FAM53B: variants seen among roughly 807,000 people sequenced by gnomAD.
FAM53B encodes family with sequence similarity 53 member B.
FAM53B carries 12 observed loss-of-function variants against 32.7 expected under a neutral mutation model. The observed-to-expected ratio is 0.37, with a 90% CI of 0.24 to 0.59. FAM53B has a LOEUF of 0.59. Ranked by LOEUF, FAM53B falls within the 20% of genes least tolerant of loss-of-function variation. The probability of loss-of-function intolerance (pLI) is 0.72; values close to 1 mark genes in which losing one functional copy is unlikely to be tolerated. For synonymous variants in FAM53B, 234 were observed against 228.7 expected, an observed-to-expected ratio of 1.02 and a Z score of -0.21; for missense variants, 477 against 577.7, an observed-to-expected ratio of 0.83 and a Z score of 1.79.
At chr10:124,655,861 C>T (rs1379879598) in intron 4 of FAM53B, among the ~76,000 whole-genome samples, 1 of 152,198 alleles carries the variant, frequency 6.6e-6, no homozygotes, top group Non-Finnish European at 1.5e-5. Flanking sequence ...TTAATATTGT[C>T]TATCTGTCTA....
chr10:124,637,812 T>C (rs1677983451), intron 4 of FAM53B, among the ~76,000 whole-genome samples: 1 of 152,016 alleles, frequency 6.6e-6, no homozygotes, highest in African/African-American at 2.4e-5. Context: ...AACCTCTCTC[T>C]CCCGAAAGAC....
chr10:124,657,128 G>A (rs1293078333), intron 4 of FAM53B, among the ~76,000 whole-genome samples: 1 of 139,038 alleles, frequency 7.2e-6, no homozygotes, highest in South Asian at 2.3e-4. Context: ...GTATATATAT[G>A]TGTGTATATA....
chr10:124,641,245 T>C (rs1049405162), intron 4 of FAM53B, among the ~76,000 whole-genome samples: 3 of 152,222 alleles, frequency 2.0e-5, no homozygotes, highest in Admixed American at 1.3e-4. Flanking sequence ...CTTCAACATG[T>C]TGCAGTTTCT....
At chr10:124,672,501 G>C (rs933129432) in intron 4 of FAM53B, among the ~76,000 whole-genome samples, 1 of 152,248 alleles carries the variant, frequency 6.6e-6, no homozygotes, top group African/African-American at 2.4e-5. Context: ...TAGGAGAATC[G>C]AGGAGGCCAT....
chr10:124,671,786 G>C (rs1949708665), intron 4 of FAM53B, among the ~76,000 whole-genome samples: 1 of 151,210 alleles, frequency 6.6e-6, no homozygotes, highest in Non-Finnish European at 1.5e-5. Flanking sequence ...TTTTTTTTAA[G>C]CCACTCCTCC....
At chr10:124,635,927 A>G (rs765624537) in intron 4 of FAM53B, among the ~76,000 whole-genome samples, 2 of 152,268 alleles carry the variant, frequency 1.3e-5, no homozygotes, top group Non-Finnish European at 2.9e-5. Flanking sequence ...CTCTGTTATA[A>G]TAAGAATTGA....
intron 1 of FAM53B, among the ~76,000 whole-genome samples, chr10:124,740,063 G>A (rs1208864322): frequency 6.6e-6 from 1 of 152,140 alleles, no homozygotes; most frequent in Non-Finnish European, 1.5e-5. Context: ...AAAATCTTCA[G>A]CTCCAGCCTC....
At position 124,682,041 on chromosome 10, in the gene FAM53B, C is replaced by T. The variant is rs1589749203; in HGVS notation, c.472G>A (p.Gly158Ser). The change falls in exon 4 of 5, where the codon GGC (glycine) becomes AGC (serine). Residue 158 changes from glycine to serine, a missense_variant. Gly to Ser is a moderately conservative substitution (Grantham distance 56). Transcript: ENST00000337318. The surrounding 1 kb of genome is among the most constrained non-coding windows in gnomAD (Gnocchi z 5.2). ...GAACTCCTCTGCATGGTGCTGAAGCCGTTGGAATAGCGCTGGACGCTGCCC... is the reference window on the plus strand; with the variant it reads ...GAACTCCTCTGCATGGTGCTGAAGCTGTTGGAATAGCGCTGGACGCTGCCC... Reference protein sequence around the residue: ...SGGSVQRYSNGFSTMQRSSSF... With the variant: ...SGGSVQRYSNSFSTMQRSSSF... 3 of 1,613,642 alleles carry T rather than the reference C, an allele frequency of 1.9e-6. No homozygotes were observed. The highest frequency in any genetic ancestry group is 1.7e-6 in the Non-Finnish European group (2 of 1,179,708).
intron 2 of FAM53B, among the ~76,000 whole-genome samples, chr10:124,699,797 C>T (rs989533650): frequency 6.6e-6 from 1 of 152,236 alleles, no homozygotes; most frequent in South Asian, 2.1e-4. Context: ...TCCTGAACCA[C>T]AGAGCTGGGG....
intron 4 of FAM53B, among the ~76,000 whole-genome samples, chr10:124,643,388 A>C (rs963981885): frequency 6.6e-6 from 1 of 152,256 alleles, no homozygotes; most frequent in Non-Finnish European, 1.5e-5. Context: ...CAGGTGGCTG[A>C]TAAATTTCCC....
intron 4 of FAM53B, among the ~76,000 whole-genome samples, chr10:124,659,496 A>G (rs1949615969): frequency 1.3e-5 from 2 of 152,198 alleles, no homozygotes; most frequent in African/African-American, 4.8e-5. Context: ...AGCCCACGCA[A>G]CAGCCTCCTG....
At chr10:124,647,736 G>A (rs1013144085) in intron 4 of FAM53B, among the ~76,000 whole-genome samples, 5 of 152,160 alleles carry the variant, frequency 3.3e-5, no homozygotes, top group African/African-American at 9.7e-5. Context: ...CTCCCCCAGG[G>A]CACCTCACTG....
intron 4 of FAM53B, among the ~76,000 whole-genome samples, chr10:124,673,233 C>T (rs1441704766): frequency 6.6e-6 from 1 of 152,118 alleles, no homozygotes; most frequent in Non-Finnish European, 1.5e-5. Flanking sequence ...CCATGCTGCT[C>T]ACTGTTGTCC....
At chr10:124,630,315 G>A (rs1949382198) in intron 4 of FAM53B, among the ~76,000 whole-genome samples, 2 of 152,216 alleles carry the variant, frequency 1.3e-5, no homozygotes, top group African/African-American at 4.8e-5. Flanking sequence ...TCGGGAGGCT[G>A]AGGTGGGAGG....
At chr10:124,710,317 G>A (rs1885704) in intron 1 of FAM53B, among the ~76,000 whole-genome samples, 141,838 of 152,322 alleles carry the variant, frequency 0.93, 66,846 homozygotes, top group Non-Finnish European at 1. Context: ...CACCTACCAC[G>A]ATCCCTCACA....
intron 1 of FAM53B, among the ~76,000 whole-genome samples, chr10:124,740,650 A>T (rs1176619136): frequency 1.3e-5 from 2 of 152,370 alleles, no homozygotes; most frequent in East Asian, 3.9e-4. Context: ...GCAGGAAACA[A>T]ACAAATTAAT....
intron 1 of FAM53B, among the ~76,000 whole-genome samples, chr10:124,722,379 G>C (rs1002514156): frequency 2.6e-5 from 4 of 152,124 alleles, no homozygotes; most frequent in African/African-American, 7.2e-5. Flanking sequence ...CACATCCAAA[G>C]AGGAAACCAT....
intron 1 of FAM53B, among the ~76,000 whole-genome samples, chr10:124,739,354 T>C (rs1950188386): frequency 6.6e-6 from 1 of 152,190 alleles, no homozygotes; most frequent in Non-Finnish European, 1.5e-5. Context: ...AATTAGAGAG[T>C]GTATACAAAG....
At chr10:124,663,334 C>T (rs1949646091) in intron 4 of FAM53B, among the ~76,000 whole-genome samples, 1 of 152,226 alleles carries the variant, frequency 6.6e-6, no homozygotes. Context: ...CCACACTGCC[C>T]TCGTTCCTAG....
Sources: gnomAD v4.1 joint callset for allele counts (sites outside exome capture counted in the v4.1 genomes callset) on GRCh38, gnomAD v4.1.1 for gene constraint, Gnocchi (gnomAD v3.1) non-coding constraint, MANE v1.5 for transcripts, NCBI Gene and HGNC (gene_info 2026-07-23, HGNC 2026-07-21) for gene names.